Variants in ARHGEF6 observed in about 807,000 individuals in gnomAD.
ARHGEF6 encodes rho guanine nucleotide exchange factor 6.
Under a neutral mutation model 70.3 loss-of-function variants are expected in ARHGEF6, and 9 were observed. That is an observed-to-expected ratio of 0.13 (90% CI 0.08 to 0.22). The LOEUF (loss-of-function observed/expected upper bound fraction) is 0.22. ARHGEF6 is among the 10% of genes least tolerant of loss of function. The probability of loss-of-function intolerance (pLI) is 1.00; values close to 1 mark genes in which losing one functional copy is unlikely to be tolerated. For synonymous variants in ARHGEF6, 201 were observed against 207.8 expected (o/e 0.97, Z 0.28); for missense variants, 470 against 563.0 (o/e 0.83, Z 1.67).
chrX:136,682,329 G>C (rs5974615), intron 13 of ARHGEF6, among the ~76,000 whole-genome samples: 7,494 of 111,870 alleles, frequency 0.067, 636 homozygotes, highest in African/African-American at 0.23. Context: ...TACTCTATAT[G>C]TTGGGAGCTG....
At chrX:136,693,977 C>G (rs1444918101) in intron 9 of ARHGEF6, among the ~76,000 whole-genome samples, 2 of 110,781 alleles carry the variant, frequency 1.8e-5, no homozygotes, top group Non-Finnish European at 3.8e-5. Context: ...TAGAGTGGTT[C>G]CCTTTCTTCT....
intron 9 of ARHGEF6, among the ~76,000 whole-genome samples, chrX:136,694,286 C>G (rs2076488541): frequency 8.9e-6 from 1 of 111,904 alleles, no homozygotes. Context: ...CTCCTGACCT[C>G]CAGTGATCCA....
Position 136,687,951 on chromosome X carries a change from A to G in ARHGEF6, c.1226T>C (p.Val409Ala). 1 of 1,208,237 alleles carries G rather than the reference A, an allele frequency of 8.3e-7. No individual in the cohort carries two copies. ...PDHQDILKAI[V>A]AFKTLMGQCQ... ...ACCTACCATGAGAGTTTTGAATGCT[A>G]CGATTGCTTTCAGAATATCCTGATG... is the stretch of plus-strand genomic sequence containing the variant. Residue 409 changes from valine (V) to alanine (A), a missense_variant, in exon 11 of 22, where the codon GTA becomes GCA. Transcript: ENST00000250617.
chrX:136,757,937 G>C (rs1171846161), intron 2 of ARHGEF6, among the ~76,000 whole-genome samples: 1 of 106,817 alleles, frequency 9.4e-6, no homozygotes, highest in Non-Finnish European at 1.9e-5. Flanking sequence ...ATGCCTTTCC[G>C]AGAAGGAAAG....
intron 17 of ARHGEF6, 163 bp from the exon 18 acceptor site, chrX:136,676,880 T>A (rs980793521): frequency 3.4e-5 from 16 of 464,014 alleles, no homozygotes; most frequent in Non-Finnish European, 5.4e-5. Flanking sequence ...TCCAATAAAC[T>A]CTAAAAGGTT....
intron 9 of ARHGEF6, 47 bp from the exon 10 acceptor site, chrX:136,690,795 T>C (rs2076450602): frequency 8.7e-7 from 1 of 1,151,597 alleles, no homozygotes; most frequent in African/African-American, 1.8e-5. Context: ...ATATCTCATG[T>C]AAAGAATTAT....
intron 9 of ARHGEF6, among the ~76,000 whole-genome samples, chrX:136,704,532 A>C: frequency 8.9e-6 from 1 of 112,045 alleles, no homozygotes; most frequent in East Asian, 2.8e-4. Context: ...AGGAGGTTTA[A>C]TTGACTCACC....
intron 2 of ARHGEF6, among the ~76,000 whole-genome samples, chrX:136,774,393 G>A (rs746609043): frequency 7.0e-4 from 77 of 110,619 alleles, no homozygotes; most frequent in African/African-American, 2.2e-3. Context: ...GCTCATGCCT[G>A]TAATCCCAGC....
chrX:136,774,099 T>A (rs978872473), intron 2 of ARHGEF6: 1 of 111,621 alleles, frequency 9.0e-6, no homozygotes, highest in African/African-American at 3.3e-5. Flanking sequence ...AAGTGTCCCA[T>A]AAAAAAATAA....
At position 136,743,783 on chromosome X, in the gene ARHGEF6, TCTC is replaced by T. The variant is rs1226825588; in HGVS notation, c.460_462del (p.Glu154del). ...AACTGATGACTTCCATTTTCCGTCA[TCTC>T]CTAGAGAAACAAAAGCCACACCAGA... On this transcript the variant is annotated inframe_deletion and splice_region_variant, in exon 5 of 22. Transcript: ENST00000250617. 8.3e-7 allele frequency: 1 copy of T among 1,208,674 alleles called. No individual in the cohort carries two copies. The highest frequency in any genetic ancestry group is 1.1e-6 in the Non-Finnish European group (1 of 894,110).
intron 11 of ARHGEF6, 38 bp downstream of exon 11, chrX:136,687,894 T>A: frequency 8.8e-7 from 1 of 1,135,243 alleles, no homozygotes; most frequent in South Asian, 1.8e-5. Flanking sequence ...GAATAAAGTA[T>A]ACAAAATGGA....
At chrX:136,740,381 G>A (rs73565144) in intron 5 of ARHGEF6, among the ~76,000 whole-genome samples, 32,597 of 110,178 alleles carry the variant, frequency 0.3, 3,740 homozygotes, top group Middle Eastern at 0.4. Context: ...AAAAACAGGG[G>A]CAGAGATGCC....
chrX:136,719,302 A>G (rs763842496), intron 6 of ARHGEF6, among the ~76,000 whole-genome samples: 1 of 111,600 alleles, frequency 9.0e-6, no homozygotes, highest in African/African-American at 3.2e-5. Flanking sequence ...AGCAAATTTA[A>G]AAGAATAGAA....
At chrX:136,763,117 C>T (rs757319891) in intron 2 of ARHGEF6, among the ~76,000 whole-genome samples, 1 of 112,201 alleles carries the variant, frequency 8.9e-6, no homozygotes, top group East Asian at 2.8e-4. Flanking sequence ...AGTTATTCCA[C>T]GTTGTACATA....
chrX:136,731,829 A>AT (rs2076938183), intron 6 of ARHGEF6, among the ~76,000 whole-genome samples: 1 of 112,666 alleles, frequency 8.9e-6, no homozygotes, highest in Admixed American at 9.4e-5. Context: ...TAATTCTTAC[A>AT]TACTAGCCAA....
At chrX:136,692,051 T>C (rs1377152131) in intron 9 of ARHGEF6, among the ~76,000 whole-genome samples, 3 of 110,875 alleles carry the variant, frequency 2.7e-5, no homozygotes, top group African/African-American at 6.6e-5. Flanking sequence ...ACAGAGCGGA[T>C]TGCAGGTTAT....
intron 9 of ARHGEF6, among the ~76,000 whole-genome samples, chrX:136,694,040 T>A (rs1260481063): frequency 9.2e-6 from 1 of 108,304 alleles, no homozygotes; most frequent in Non-Finnish European, 1.9e-5. Flanking sequence ...TTTTGCTTCT[T>A]TTTTTGTCCC....
At chrX:136,752,983 A>G (rs775766124) in intron 2 of ARHGEF6, among the ~76,000 whole-genome samples, 17 of 111,973 alleles carry the variant, frequency 1.5e-4, no homozygotes, top group African/African-American at 4.2e-4. Flanking sequence ...CTGCTTAGTC[A>G]TATTTCACTG....
At chrX:136,752,044 A>G (rs1275031375) in intron 2 of ARHGEF6, among the ~76,000 whole-genome samples, 4 of 111,651 alleles carry the variant, frequency 3.6e-5, no homozygotes, top group East Asian at 2.8e-4. Flanking sequence ...GTAGCCCTGC[A>G]TGTACACCTT....
Sources: allele counts gnomAD v4.1 joint callset (sites outside exome capture counted in the v4.1 genomes callset), GRCh38; gene constraint gnomAD v4.1.1; transcripts MANE v1.5; gene names NCBI Gene and HGNC (gene_info 2026-07-23, HGNC 2026-07-21).